SMURF1: variants seen among roughly 807,000 people sequenced by gnomAD.
SMURF1 encodes the protein E3 ubiquitin-protein ligase SMURF1.
A neutral mutation model predicts 98.0 loss-of-function variants in SMURF1; 44 were observed. That is an observed-to-expected ratio of 0.45 (90% confidence interval 0.35 to 0.58). SMURF1 has a LOEUF of 0.58. SMURF1 is among the 20% of genes least tolerant of loss of function. The pLI, the probability that SMURF1 is intolerant of heterozygous loss-of-function variation, is 0.00. For missense variants in SMURF1, 687 were observed against 938.4 expected (o/e 0.73, Z 3.50); for synonymous variants, 396 against 374.9 (o/e 1.06, Z -0.65).
At chr7:99,060,378 C>CAAAAAA (rs11340949) in intron 3 of SMURF1, among the ~76,000 whole-genome samples, 28 of 92,464 alleles carry the variant, frequency 3.0e-4, no homozygotes, top group Non-Finnish European at 3.5e-4. Flanking sequence ...GACTCCGTCT[C>CAAAAAA]AAAAAAAAAA....
chr7:99,061,604 A>G (rs1386740352), intron 2 of SMURF1, among the ~76,000 whole-genome samples, 195 bp downstream of exon 2: 2 of 152,258 alleles, frequency 1.3e-5, no homozygotes, highest in African/African-American at 2.4e-5. Flanking sequence ...GGTATGATTT[A>G]TAAGTTCTGT....
rs187464707 is a variant in SMURF1 at position 99,060,944 on chromosome 7, A to C, written c.95-237T>G. ...TCAAATTTCTATTAAAGTGGGGCTA[A>C]TTAAGTGGAGGGAAAAGTGTCTGAA... On this transcript the variant is annotated intron_variant, in intron 2 of 17. Coordinates refer to ENST00000361368, the MANE Select transcript of SMURF1 (RefSeq NM_181349.3). Among the ~76,000 whole-genome samples the C allele has an allele frequency of 5.4e-4, 82 of 152,284 alleles. 1 individual carries two copies. Among genetic ancestry groups the C allele is most frequent in the African/African-American group, 1.9e-3 (78 of 41,570 alleles).
chr7:99,060,032 T>C (rs1250178337), intron 3 of SMURF1, among the ~76,000 whole-genome samples: 1 of 151,942 alleles, frequency 6.6e-6, no homozygotes, highest in African/African-American at 2.4e-5. Context: ...GGCCAGGAGA[T>C]TGAAAAGTTT....
chr7:99,037,822 A>T (rs542745229), intron 14 of SMURF1, among the ~76,000 whole-genome samples: 1 of 152,222 alleles, frequency 6.6e-6, no homozygotes, highest in Admixed American at 6.5e-5. Flanking sequence ...AGGCGGAAGC[A>T]AGAGGATTGC....
At chr7:99,094,293 T>A (rs1796894919) in intron 1 of SMURF1, among the ~76,000 whole-genome samples, 2 of 149,728 alleles carry the variant, frequency 1.3e-5, no homozygotes, top group Non-Finnish European at 2.9e-5. Flanking sequence ...TTTCAATGAA[T>A]TAATTCAAAT....
At chr7:99,103,924 A>C (rs1472916183) in intron 1 of SMURF1, among the ~76,000 whole-genome samples, 1 of 148,654 alleles carries the variant, frequency 6.7e-6, no homozygotes, top group Non-Finnish European at 1.5e-5. Context: ...ATGGAGTCTC[A>C]GTCTGTCACC....
At chr7:99,116,548 A>G (rs916895562) in intron 1 of SMURF1, among the ~76,000 whole-genome samples, 6 of 152,250 alleles carry the variant, frequency 3.9e-5, no homozygotes, top group African/African-American at 1.2e-4. Context: ...TACTAAAATC[A>G]GCTGTATTTC....
rs190351748 is a variant in SMURF1 at position 99,108,375 on chromosome 7, C to T, written c.55+35351G>A. On this transcript the variant is annotated intron_variant, in intron 1 of 17. Transcript: ENST00000361368. ...TTGTAATCCCAGCACTTTGGGAGGCCGAGGCGGGCAGATTACCTAAGGTCA... is the reference window on the plus strand; with the variant it reads ...TTGTAATCCCAGCACTTTGGGAGGCTGAGGCGGGCAGATTACCTAAGGTCA... 9.2e-4 allele frequency among the ~76,000 whole-genome samples: 140 copies of T among 151,564 alleles called. 1 individual carries two copies. Among genetic ancestry groups the T allele is most frequent in the African/African-American group, 3.2e-3 (132 of 41,352 alleles).
At position 99,049,709 on chromosome 7, in the gene SMURF1, T is replaced by C; in HGVS notation, c.807A>G (p.Arg269=). 1 of 1,611,320 alleles carries C rather than the reference T, an allele frequency of 6.2e-7. No homozygotes were observed. The highest frequency in any genetic ancestry group is 8.5e-7 in the Non-Finnish European group (1 of 1,179,216). Residue 269 remains arginine (R), a splice_region_variant and synonymous_variant, in exon 9 of 18, where the codon AGA becomes AGG. Transcript: ENST00000361368. ...CATCACAGTTCACACTGTTAAGGTC[T>C]CTACCAAAATGGAAGATACAGAGAG... is the stretch of plus-strand genomic sequence containing the variant. ...VSTWHDPRIP[R]DLNSVNCDEL... is the part of the protein sequence containing the mutation.
chr7:99,047,816 G>A lies in SMURF1; in HGVS notation c.1020C>T (p.Asp340=), dbSNP rs767532667. The change falls in exon 10 of 18, where the codon GAC becomes GAT. Residue 340 remains aspartate (D), a synonymous_variant. Coordinates refer to ENST00000361368, the MANE Select transcript of SMURF1 (RefSeq NM_181349.3). ...CGTATCTCTGGGCAGGAAGCTCCTC[G>A]TCCTCCAGAGAGCCCTCACTGGGCA... ...LPLPSEGSLE[D]EELPAQRYER... 12 of 1,614,060 alleles carry A rather than the reference G, an allele frequency of 7.4e-6. No homozygotes were observed. The highest frequency in any genetic ancestry group is 4.5e-5 in the East Asian group (2 of 44,882).
intron 1 of SMURF1, among the ~76,000 whole-genome samples, chr7:99,112,285 G>A (rs896759886): frequency 2.6e-5 from 4 of 152,180 alleles, no homozygotes; most frequent in East Asian, 1.9e-4. Flanking sequence ...CCTTGAAGGC[G>A]TGCCTCACAA....
intron 1 of SMURF1, among the ~76,000 whole-genome samples, chr7:99,118,592 A>G (rs571310897): frequency 3.4e-4 from 52 of 152,344 alleles, no homozygotes; most frequent in African/African-American, 1.0e-3. Context: ...GAACAGGCAA[A>G]TTCATAGGGA....
At chr7:99,136,771 G>A (rs1019366597) in intron 1 of SMURF1, among the ~76,000 whole-genome samples, 14 of 152,252 alleles carry the variant, frequency 9.2e-5, no homozygotes, top group South Asian at 2.1e-4. Flanking sequence ...GCAACAGGGC[G>A]AAACCCCATC....
Position 99,032,024 on chromosome 7 carries a change from C to T in SMURF1, c.2096+1013G>A, listed in dbSNP as rs553363906. Among the ~76,000 whole-genome samples the T allele has an allele frequency of 5.9e-5, 9 of 152,240 alleles. No individual in the cohort carries two copies. The South Asian group carries it at 1.7e-3, about 28-fold the overall frequency. On this transcript the variant is annotated intron_variant, in intron 17 of 17. Transcript: ENST00000361368. ...GAAAACATTTGCAATAGACAAGGTA[C>T]GTGTGTCATAAGCAGGATTCCAAGA...
At chr7:99,033,170 C>A (rs1050117354) in intron 16 of SMURF1, 49 bp from the exon 17 acceptor site, 1 of 1,533,670 alleles carries the variant, frequency 6.5e-7, no homozygotes, top group African/African-American at 1.4e-5. Flanking sequence ...ACAGCCGTGG[C>A]GCTTCCCGGC....
intron 1 of SMURF1, among the ~76,000 whole-genome samples, chr7:99,099,826 A>G (rs768101338): frequency 1.1e-4 from 17 of 152,178 alleles, no homozygotes; most frequent in Non-Finnish European, 2.2e-4. Flanking sequence ...GTTTTCCAAC[A>G]TGAGTTAAAA....
intron 1 of SMURF1, among the ~76,000 whole-genome samples, chr7:99,095,281 T>C (rs534045188): frequency 1.5e-3 from 234 of 152,240 alleles, no homozygotes; most frequent in Non-Finnish European, 2.5e-3. Flanking sequence ...GGTTTCACCA[T>C]GTTGGCCAGG....
chr7:99,078,336 C>T (rs1454181387), intron 1 of SMURF1, among the ~76,000 whole-genome samples: 7 of 151,028 alleles, frequency 4.6e-5, no homozygotes, highest in Admixed American at 4.6e-4. Context: ...ACACTTCCAA[C>T]TTGAATAAAA....
rs574261226 is a variant in SMURF1, at chr7:99,128,647, C to T, written c.55+15079G>A. Among the ~76,000 whole-genome samples the T allele has an allele frequency of 2.5e-3, 388 of 152,314 alleles. 1 individual carries two copies. Among genetic ancestry groups the T allele is most frequent in the African/African-American group, 8.3e-3 (347 of 41,562 alleles). On this transcript the variant is annotated intron_variant, in intron 1 of 17. Coordinates refer to ENST00000361368, the MANE Select transcript of SMURF1 (RefSeq NM_181349.3). ...AATTTTAGTGGAAAATCAACTACCA[C>T]GCATTGCTTTCAAATATCAATATTG...
Sources: allele counts gnomAD v4.1 joint callset (sites outside exome capture counted in the v4.1 genomes callset), GRCh38; gene constraint gnomAD v4.1.1; transcripts MANE v1.5; gene names NCBI Gene and HGNC (gene_info 2026-07-23, HGNC 2026-07-21).